Variants in MTMR1 observed in about 807,000 individuals in gnomAD.
MTMR1 encodes the protein myotubularin related protein 1.
MTMR1 carries 17 observed loss-of-function variants against 51.6 expected under a neutral mutation model. The observed-to-expected ratio is 0.33, with a 90% CI of 0.23 to 0.49. MTMR1 has a LOEUF of 0.49. MTMR1 is among the 20% of genes least tolerant of loss of function. MTMR1 has a pLI of 0.99. For synonymous variants in MTMR1, 201 were observed against 205.6 expected (o/e 0.98, Z 0.19); for missense variants, 386 against 526.9 (o/e 0.73, Z 2.62).
chrX:150,734,700 A>G (rs1178758622), intron 10 of MTMR1, among the ~76,000 whole-genome samples: 1 of 112,650 alleles, frequency 8.9e-6, no homozygotes, highest in Non-Finnish European at 1.9e-5. Flanking sequence ...TGTGTCTAGG[A>G]AACAGTATTT....
At chrX:150,737,895 C>G (rs180910893) in intron 12 of MTMR1, among the ~76,000 whole-genome samples, 1 of 110,830 alleles carries the variant, frequency 9.0e-6, no homozygotes, top group African/African-American at 3.3e-5. Flanking sequence ...GGTGAAACCC[C>G]GTCTCTACTA....
At chrX:150,741,282 C>T (rs2042416638) in intron 12 of MTMR1, among the ~76,000 whole-genome samples, 2 of 112,073 alleles carry the variant, frequency 1.8e-5, no homozygotes, top group Admixed American at 1.9e-4. Flanking sequence ...ATCTTCTTTC[C>T]CTTGCCCCGT....
chrX:150,751,035 G>T, intron 14 of MTMR1, 192 bp downstream of exon 14: 1 of 1,161,031 alleles, frequency 8.6e-7, no homozygotes, highest in Non-Finnish European at 1.2e-6. Flanking sequence ...TCTAGGCATG[G>T]GGGGCTGGGA....
In MTMR1 at chrX:150,764,422, A is replaced by ATATC. The variant is rs1253787980; in HGVS notation, c.*1695_*1698dup. 2.7e-5 allele frequency: 3 copies of ATATC among 112,395 alleles called. No individual in the cohort carries two copies. The highest frequency in any genetic ancestry group is 5.6e-5 in the Non-Finnish European group (3 of 53,303). 9.3% of individuals were successfully genotyped at this position (112,395 alleles called of 1,213,427 possible). A position where few individuals can be genotyped will look rare whatever the true frequency, so the allele number is the denominator to read the frequency against. ...CAACAATAGCTTTTATGTTCCTAAC[A>ATATC]TATCTGAAAGCTTATTTATGAATGG... On this transcript the variant is annotated 3_prime_UTR_variant, in exon 16 of 16. Coordinates refer to ENST00000445323, the MANE Select transcript of MTMR1 (RefSeq NM_001306144.3).
At chrX:150,762,531 C>T (rs1191650192) in intron 15 of MTMR1, 34 bp from the exon 16 acceptor site, 1 of 1,207,816 alleles carries the variant, frequency 8.3e-7, no homozygotes, top group Non-Finnish European at 1.1e-6. Context: ...AGGAGGATGG[C>T]CTGATAATGC....
chrX:150,702,646 T>G (rs1411593557), intron 2 of MTMR1, among the ~76,000 whole-genome samples: 1 of 112,356 alleles, frequency 8.9e-6, no homozygotes, highest in African/African-American at 3.2e-5. Flanking sequence ...AATTATTTTC[T>G]TGTGTATTAG....
chrX:150,730,035 A>T (rs2042065414), intron 6 of MTMR1, 74 bp from the exon 7 acceptor site: 1 of 614,560 alleles, frequency 1.6e-6, no homozygotes, highest in Non-Finnish European at 2.5e-6. Flanking sequence ...TAATTTCCTT[A>T]TTTATGGCAC....
intron 10 of MTMR1, chrX:150,735,263 C>T: frequency 3.1e-6 from 1 of 320,002 alleles, no homozygotes; most frequent in Non-Finnish European, 5.4e-6. Flanking sequence ...TTTAAGTCCC[C>T]CAGTTTGTGA....
Position 150,762,632 on chromosome X carries a change from G to A in MTMR1, c.1925G>A (p.Gly642Asp), listed in dbSNP as rs2043177881. The part of the protein sequence containing the change: ...VRAELQKRVE[G>D]LQREVATRAV... ...GCGGAGCTGCAGAAGCGTGTGGAGG[G>A]CCTACAGCGGGAGGTGGCCACGCGC... The change falls in exon 16 of 16, where the codon GGC becomes GAC. Residue 642 changes from glycine to aspartate, a missense_variant. Gly to Asp is a moderately conservative substitution (Grantham distance 94, BLOSUM62 -1). Transcript: ENST00000445323. 1 of 1,211,370 alleles carries A rather than the reference G, an allele frequency of 8.3e-7. No individual in the cohort carries two copies. Among genetic ancestry groups the A allele is most frequent in the Non-Finnish European group, 1.1e-6 (1 of 895,263 alleles).
intron 2 of MTMR1, among the ~76,000 whole-genome samples, chrX:150,704,586 A>G (rs1350919341): frequency 4.5e-5 from 5 of 111,839 alleles, no homozygotes; most frequent in African/African-American, 1.6e-4. Flanking sequence ...TCTCTCAGCC[A>G]GGGAGGTTTC....
chrX:150,762,419 C>A, intron 15 of MTMR1, 146 bp from the exon 16 acceptor site: 1 of 720,289 alleles, frequency 1.4e-6, no homozygotes, highest in Non-Finnish European at 2.1e-6. Flanking sequence ...GTCCACCTGA[C>A]GCGAGATCGG....
intron 3 of MTMR1, chrX:150,712,853 C>A: frequency 1.6e-6 from 1 of 630,948 alleles, no homozygotes; most frequent in Non-Finnish European, 2.0e-6. Flanking sequence ...CTAAATTTAG[C>A]AAAATCAATC....
chrX:150,760,369 CTCTT>C (rs2043070312), intron 15 of MTMR1, among the ~76,000 whole-genome samples: 2 of 98,927 alleles, frequency 2.0e-5, no homozygotes, highest in Non-Finnish European at 4.5e-5. Context: ...CCTGTTGGGC[CTCTT>C]TTCTCTGAGA....
Position 150,764,590 on chromosome X carries a change from C to CAA in MTMR1, c.*1862_*1863dup. ...GATGCCTTCGACAAACCAGAGAAGC[C>CAA]AAGTTGGGGGGAGCTGGTGCCTGGA... On this transcript the variant is annotated 3_prime_UTR_variant, in exon 16 of 16. Transcript: ENST00000445323. 9.0e-6 allele frequency: 1 copy of CAA among 111,070 alleles called. No homozygotes were observed. The highest frequency in any genetic ancestry group is 3.3e-5 in the African/African-American group (1 of 30,443). 9.2% of individuals were successfully genotyped at this position (111,070 alleles called of 1,213,427 possible). A position where few individuals can be genotyped will look rare whatever the true frequency, so the allele number is the denominator to read the frequency against.
intron 8 of MTMR1, 120 bp from the exon 9 acceptor site, chrX:150,731,350 C>A: frequency 1.7e-6 from 1 of 590,211 alleles, no homozygotes; most frequent in Non-Finnish European, 2.5e-6. Flanking sequence ...TTACAATAAA[C>A]AATAAATTAT....
intron 9 of MTMR1, among the ~76,000 whole-genome samples, chrX:150,732,125 G>A (rs969996057): frequency 2.7e-5 from 3 of 111,596 alleles, no homozygotes; most frequent in Non-Finnish European, 3.8e-5. Flanking sequence ...TGGGGTGGCA[G>A]AGTGTCAGAT....
At chrX:150,761,688 G>A (rs1461196756) in intron 15 of MTMR1, among the ~76,000 whole-genome samples, 1 of 112,259 alleles carries the variant, frequency 8.9e-6, no homozygotes, top group Non-Finnish European at 1.9e-5. Context: ...ACCCCACCCT[G>A]TTTCTCCCTC....
intron 1 of MTMR1, among the ~76,000 whole-genome samples, chrX:150,698,674 G>GCACACACACACA (rs1264680068): frequency 7.4e-4 from 45 of 61,219 alleles, no homozygotes; most frequent in African/African-American, 2.3e-3. Context: ...CTGTCTACAC[G>GCACACACACACA]CGCGCGCACA....
intron 11 of MTMR1, 26 bp downstream of exon 11, chrX:150,736,806 C>A: frequency 8.7e-7 from 1 of 1,154,841 alleles, no homozygotes; most frequent in Non-Finnish European, 1.2e-6. Flanking sequence ...ACTTTATATG[C>A]TTTCCAGTTA....
Sources: gnomAD v4.1 joint callset for allele counts (sites outside exome capture counted in the v4.1 genomes callset) on GRCh38, gnomAD v4.1.1 for gene constraint, MANE v1.5 for transcripts, NCBI Gene and HGNC (gene_info 2026-07-23, HGNC 2026-07-21) for gene names.